GRIK1: variants seen among roughly 807,000 people sequenced by gnomAD.
GRIK1 encodes the protein glutamate receptor ionotropic, kainate 1.
In GRIK1, 69 loss-of-function variants were observed where a neutral mutation model predicts 105.7. That is an observed-to-expected ratio of 0.65 (90% CI 0.54 to 0.80). The LOEUF (loss-of-function observed/expected upper bound fraction) is 0.80, where lower values mean the gene tolerates loss of function less well. Among genes scored for constraint, GRIK1 ranks in the 30% least tolerant of loss-of-function variants. The pLI is 0.00. For synonymous variants in GRIK1, 438 were observed against 431.3 expected (o/e 1.02, Z -0.19); for missense variants, 1,109 against 1,167.3 (o/e 0.95, Z 0.73).
intron 1 of GRIK1, among the ~76,000 whole-genome samples, chr21:29,924,173 A>C (rs1327354590): frequency 1.3e-5 from 2 of 151,894 alleles, no homozygotes; most frequent in Non-Finnish European, 2.9e-5. Context: ...CGCCATCTCT[A>C]CTAAATATAC....
chr21:29,785,551 G>A (rs564431698), intron 1 of GRIK1, among the ~76,000 whole-genome samples: 3 of 119,284 alleles, frequency 2.5e-5, no homozygotes, highest in South Asian at 3.0e-4. Flanking sequence ...GCGACAGAGT[G>A]AGACTGTCTC....
intron 16 of GRIK1, chr21:29,553,635 A>T: frequency 6.2e-7 from 1 of 1,610,026 alleles, no homozygotes; most frequent in Non-Finnish European, 8.5e-7. Context: ...TCCGTAGATA[A>T]AGTAGTTCCA....
intron 1 of GRIK1, among the ~76,000 whole-genome samples, chr21:29,854,470 AAG>A (rs2068401224): frequency 6.6e-6 from 1 of 152,120 alleles, no homozygotes; most frequent in Non-Finnish European, 1.5e-5. Context: ...AGGTAGAGGG[AAG>A]AGAGGCCTTG....
At chr21:29,644,017 A>C (rs2062568209) in intron 6 of GRIK1, among the ~76,000 whole-genome samples, 1 of 152,174 alleles carries the variant, frequency 6.6e-6, no homozygotes, top group African/African-American at 2.4e-5. Flanking sequence ...GGAGAGTAAT[A>C]GGGATTATAT....
intron 15 of GRIK1, among the ~76,000 whole-genome samples, chr21:29,556,832 T>A (rs1287254301): frequency 6.6e-6 from 1 of 152,210 alleles, no homozygotes; most frequent in Non-Finnish European, 1.5e-5. Context: ...CGCACTGGAC[T>A]GTGGCAAGAT....
chr21:29,856,480 G>A (rs2068468036), intron 1 of GRIK1, among the ~76,000 whole-genome samples: 1 of 152,144 alleles, frequency 6.6e-6, no homozygotes, highest in Non-Finnish European at 1.5e-5. Flanking sequence ...GAATACCTGT[G>A]AAATAAAAAG....
chr21:29,711,623 T>C (rs1460044978), intron 1 of GRIK1, among the ~76,000 whole-genome samples: 3 of 152,114 alleles, frequency 2.0e-5, no homozygotes, highest in Admixed American at 6.6e-5. Flanking sequence ...CTTTCTGTCA[T>C]TTTAGCTGTT....
At chr21:29,828,467 A>C (rs201916653) in intron 1 of GRIK1, among the ~76,000 whole-genome samples, 1 of 1,846 alleles carries the variant, frequency 5.4e-4, no homozygotes, top group East Asian at 0.056. Context: ...AGGAATGGTG[A>C]AAGCACTTTA....
At chr21:29,805,810 C>T (rs2066848228) in intron 1 of GRIK1, among the ~76,000 whole-genome samples, 2 of 152,066 alleles carry the variant, frequency 1.3e-5, no homozygotes, top group Admixed American at 1.3e-4. Flanking sequence ...GTCAAGAGAC[C>T]AGAGTTGGCA....
intron 14 of GRIK1, among the ~76,000 whole-genome samples, chr21:29,572,260 G>A (rs1055626671): frequency 2.0e-5 from 3 of 152,100 alleles, no homozygotes; most frequent in Admixed American, 6.5e-5. Flanking sequence ...TCCTCGAGGG[G>A]AAAACTAAAT....
At chr21:29,700,288 A>T (rs1240968976) in intron 1 of GRIK1, among the ~76,000 whole-genome samples, 2 of 152,144 alleles carry the variant, frequency 1.3e-5, no homozygotes, top group African/African-American at 4.8e-5. Flanking sequence ...GATGGGTGCA[A>T]TGAAGGGTTG....
At chr21:29,898,255 T>A (rs2070248382) in intron 1 of GRIK1, among the ~76,000 whole-genome samples, 1 of 152,174 alleles carries the variant, frequency 6.6e-6, no homozygotes, top group Admixed American at 6.5e-5. Flanking sequence ...CCCTGCCCCA[T>A]GAAGCTGATA....
At chr21:29,827,112 AAATT>A (rs2067482120) in intron 1 of GRIK1, among the ~76,000 whole-genome samples, 1 of 152,168 alleles carries the variant, frequency 6.6e-6, no homozygotes, top group Non-Finnish European at 1.5e-5. Flanking sequence ...TTCAATTAAA[AAATT>A]AATTATATTT....
intron 7 of GRIK1, among the ~76,000 whole-genome samples, chr21:29,634,085 C>G (rs148850035): frequency 6.6e-6 from 1 of 152,006 alleles, no homozygotes; most frequent in African/African-American, 2.4e-5. Flanking sequence ...AATTTTTTAC[C>G]CAGATCCCAT....
At chr21:29,567,484 T>C (rs1310743281) in intron 14 of GRIK1, among the ~76,000 whole-genome samples, 1 of 152,198 alleles carries the variant, frequency 6.6e-6, no homozygotes, top group Non-Finnish European at 1.5e-5. Context: ...GATCTGTGTT[T>C]ATGTATGTTT....
intron 8 of GRIK1, among the ~76,000 whole-genome samples, chr21:29,598,105 G>T (rs529688053): frequency 6.6e-6 from 1 of 152,112 alleles, no homozygotes; most frequent in Non-Finnish European, 1.5e-5. Context: ...TCTTCAAACT[G>T]TAAGTGTTAA....
At chr21:29,561,873 A>T in intron 14 of GRIK1, 24 bp from the exon 15 acceptor site, 2 of 1,414,610 alleles carry the variant, frequency 1.4e-6, no homozygotes, top group Non-Finnish European at 1.0e-6. Context: ...AAACACACTC[A>T]CCAGCAGAAG....
intron 7 of GRIK1, among the ~76,000 whole-genome samples, chr21:29,640,618 C>A (rs868180236): frequency 2.0e-5 from 3 of 152,114 alleles, no homozygotes; most frequent in Non-Finnish European, 2.9e-5. Context: ...TTTAAATATG[C>A]CTAAATGTGG....
At chr21:29,823,190 T>C (rs2067352796) in intron 1 of GRIK1, among the ~76,000 whole-genome samples, 1 of 152,032 alleles carries the variant, frequency 6.6e-6, no homozygotes, top group African/African-American at 2.4e-5. Context: ...TATGTGTATT[T>C]AAATATGTAT....
Sources: gnomAD v4.1 joint callset for allele counts (sites outside exome capture counted in the v4.1 genomes callset) on GRCh38, gnomAD v4.1.1 for gene constraint, MANE v1.5 for transcripts, NCBI Gene and HGNC (gene_info 2026-07-23, HGNC 2026-07-21) for gene names.